Variants in C1orf21 observed in about 807,000 individuals in gnomAD.
C1orf21 encodes uncharacterized protein C1orf21.
A neutral mutation model predicts 18.7 loss-of-function variants in C1orf21; 3 were observed. The ratio of observed to expected loss-of-function variants is 0.16; its 90% CI spans 0.07 to 0.42. The LOEUF (loss-of-function observed/expected upper bound fraction) is 0.42, where lower values mean the gene tolerates loss of function less well. C1orf21 is among the 10% of genes least tolerant of loss of function. C1orf21 has a pLI of 0.99. For synonymous variants in C1orf21, 41 were observed against 46.4 expected, an observed-to-expected ratio of 0.88 and a Z score of 0.47; for missense variants, 104 against 143.6, an observed-to-expected ratio of 0.72 and a Z score of 1.41.
intron 2 of C1orf21, among the ~76,000 whole-genome samples, chr1:184,496,280 A>G (rs987389746): frequency 6.6e-6 from 1 of 152,216 alleles, no homozygotes; most frequent in African/African-American, 2.4e-5. Context: ...CAGACCTTAC[A>G]GTGGGTAATG....
At chr1:184,508,720 C>T (rs1658102294) in intron 3 of C1orf21, among the ~76,000 whole-genome samples, 1 of 152,000 alleles carries the variant, frequency 6.6e-6, no homozygotes, top group Non-Finnish European at 1.5e-5. Context: ...TATTTTAGAT[C>T]ATTTTCAAGG....
intron 1 of C1orf21, among the ~76,000 whole-genome samples, chr1:184,449,784 A>G (rs991030623): frequency 3.3e-5 from 5 of 152,230 alleles, no homozygotes; most frequent in African/African-American, 9.6e-5. Flanking sequence ...ATATATTTAT[A>G]AGCTATGGAT....
At chr1:184,422,738 C>T (rs576842203) in intron 1 of C1orf21, among the ~76,000 whole-genome samples, 1 of 152,320 alleles carries the variant, frequency 6.6e-6, no homozygotes, top group South Asian at 2.1e-4. Context: ...GGATTTTCTT[C>T]CCGTACATAT....
Position 184,495,795 on chromosome 1 carries a change from C to T in C1orf21, c.95-11793C>T, listed in dbSNP as rs113670572. ...ATTAGCCTGGCATGGTGGCAGGTGA[C>T]GTAATCTCAGCTACTCGGGAGACTG... On this transcript the variant is annotated intron_variant, in intron 2 of 5. Transcript: ENST00000235307. Among the ~76,000 whole-genome samples the T allele has an allele frequency of 9.7e-3, 1,464 of 151,526 alleles. 24 individuals are homozygous for T. The highest frequency in any genetic ancestry group is 0.034 in the African/African-American group (1,395 of 41,276).
intron 1 of C1orf21, among the ~76,000 whole-genome samples, chr1:184,429,037 C>CT (rs1225704173): frequency 6.6e-6 from 1 of 152,144 alleles, no homozygotes; most frequent in African/African-American, 2.4e-5. Flanking sequence ...GTCCAACACA[C>CT]TTTTTGTCTC....
chr1:184,450,317 C>T (rs1657102979), intron 1 of C1orf21, among the ~76,000 whole-genome samples: 1 of 152,150 alleles, frequency 6.6e-6, no homozygotes, highest in South Asian at 2.1e-4. Flanking sequence ...GTGCTCCAGT[C>T]ACTGTCTTTT....
intron 3 of C1orf21, among the ~76,000 whole-genome samples, chr1:184,511,558 T>C (rs1376475931): frequency 6.6e-6 from 1 of 152,152 alleles, no homozygotes; most frequent in East Asian, 1.9e-4. Context: ...TTTTTGTTGG[T>C]TTGAATGAAC....
intron 1 of C1orf21, among the ~76,000 whole-genome samples, chr1:184,429,626 T>A (rs1002289485): frequency 6.6e-6 from 1 of 152,182 alleles, no homozygotes; most frequent in African/African-American, 2.4e-5. Flanking sequence ...ACGGATCTGT[T>A]GTTCTAAGAT....
chr1:184,388,135 AGTTTTT>A (rs1377236631), intron 1 of C1orf21, among the ~76,000 whole-genome samples: 1 of 152,024 alleles, frequency 6.6e-6, no homozygotes, highest in Non-Finnish European at 1.5e-5. Flanking sequence ...ACGGAGGGTT[AGTTTTT>A]GTTTTTGTTT....
At chr1:184,603,409 T>G (rs1249542818) in intron 5 of C1orf21, among the ~76,000 whole-genome samples, 1 of 152,260 alleles carries the variant, frequency 6.6e-6, no homozygotes, top group African/African-American at 2.4e-5. Context: ...GATCTTGAGA[T>G]TCTGGCTCTG....
intron 3 of C1orf21, among the ~76,000 whole-genome samples, chr1:184,583,989 C>T (rs1659316732): frequency 6.6e-6 from 1 of 152,140 alleles, no homozygotes; most frequent in Non-Finnish European, 1.5e-5. Context: ...TGGAGCACCT[C>T]AGATATTGCA....
chr1:184,577,956 T>TTG lies in C1orf21; in HGVS notation c.190-12782_190-12781insGT, dbSNP rs1558006977. ...GTTTGTTTTTTGTTTTGTTTTTGTT[T>TTG]TTTTTTTTTTTTTTTGAGACAGAGT... On this transcript the variant is annotated intron_variant, in intron 3 of 5. Transcript: ENST00000235307. Among the ~76,000 whole-genome samples the TTG allele has an allele frequency of 1.2e-3, 169 of 144,214 alleles. 2 individuals are homozygous for TTG. The highest frequency in any genetic ancestry group is 4.4e-3 in the South Asian group (20 of 4,556). The allele number at this position is 144,214 out of a possible 152,430, so 94.6% of individuals were successfully genotyped here.
chr1:184,551,151 A>G (rs1289473064), intron 3 of C1orf21, among the ~76,000 whole-genome samples: 1 of 152,248 alleles, frequency 6.6e-6, no homozygotes, highest in East Asian at 1.9e-4. Flanking sequence ...GAATACAGCA[A>G]TCCCATGGAG....
chr1:184,607,140 G>A (rs909924782), intron 5 of C1orf21, among the ~76,000 whole-genome samples: 1 of 152,152 alleles, frequency 6.6e-6, no homozygotes, highest in African/African-American at 2.4e-5. Context: ...ATTTTTCTAA[G>A]TTGATTCAAA....
chr1:184,409,720 ATG>A lies in C1orf21; in HGVS notation c.-125+22353_-125+22354del, dbSNP rs1172011564. 2.7e-5 allele frequency among the ~76,000 whole-genome samples: 4 copies of A among 150,184 alleles called. No homozygotes were observed. In the East Asian group the frequency reaches 9.3e-4, roughly 35 times the overall value. The stretch of plus-strand genomic sequence containing the variant: ...GCACCAAATAGAATTAAATGTTATC[ATG>A]ACTCCAGGGGCTCTGGGTATTGACT... On this transcript the variant is annotated intron_variant, in intron 1 of 5. Transcript: ENST00000235307.
At chr1:184,476,243 CTG>C (rs1444844481) in intron 1 of C1orf21, among the ~76,000 whole-genome samples, 1 of 152,124 alleles carries the variant, frequency 6.6e-6, no homozygotes, top group Non-Finnish European at 1.5e-5. Context: ...GTAGCACTAT[CTG>C]TGAAACTTGA....
At chr1:184,542,169 G>T (rs1427788919) in intron 3 of C1orf21, among the ~76,000 whole-genome samples, 3 of 152,148 alleles carry the variant, frequency 2.0e-5, no homozygotes, top group Non-Finnish European at 4.4e-5. Context: ...CAGCCCTTCT[G>T]CAGGGTCTCA....
At chr1:184,484,412 TC>T (rs1352994200) in intron 2 of C1orf21, among the ~76,000 whole-genome samples, 2 of 152,246 alleles carry the variant, frequency 1.3e-5, no homozygotes, top group African/African-American at 4.8e-5. Context: ...CAGAGCTTCC[TC>T]TAATACCTTC....
intron 1 of C1orf21, among the ~76,000 whole-genome samples, chr1:184,400,571 C>T (rs1011893223): frequency 6.6e-6 from 1 of 152,178 alleles, no homozygotes; most frequent in African/African-American, 2.4e-5. Context: ...AGAAATTTCT[C>T]ATTGCATTTT....
Sources: gnomAD v4.1 joint callset for allele counts (sites outside exome capture counted in the v4.1 genomes callset) on GRCh38, gnomAD v4.1.1 for gene constraint, MANE v1.5 for transcripts, NCBI Gene and HGNC (gene_info 2026-07-23, HGNC 2026-07-21) for gene names.